Variants in HS6ST2 observed in about 807,000 individuals in gnomAD.
The protein encoded by HS6ST2 is heparan sulfate 6-O-sulfotransferase 2.
A neutral mutation model predicts 33.0 loss-of-function variants in HS6ST2; 17 were observed. The observed-to-expected ratio is 0.52, with a 90% confidence interval of 0.35 to 0.77. The LOEUF (loss-of-function observed/expected upper bound fraction) is 0.77, where lower values mean the gene tolerates loss of function less well. Ranked by LOEUF, HS6ST2 falls within the 30% of genes least tolerant of loss-of-function variation. The pLI is 0.01. For synonymous variants in HS6ST2, 248 were observed against 237.1 expected (o/e 1.05, Z -0.42); for missense variants, 519 against 551.7 (o/e 0.94, Z 0.59).
chrX:132,923,125 C>A (rs1417904096), intron 2 of HS6ST2, among the ~76,000 whole-genome samples: 1 of 108,713 alleles, frequency 9.2e-6, no homozygotes, highest in African/African-American at 3.4e-5. Context: ...AAATAAAGGC[C>A]TAGGATCAAT....
At chrX:132,908,518 T>A (rs2066497478) in intron 2 of HS6ST2, among the ~76,000 whole-genome samples, 1 of 112,629 alleles carries the variant, frequency 8.9e-6, no homozygotes, top group Admixed American at 9.4e-5. Flanking sequence ...AACCAATGAA[T>A]GAATAAATAA....
chrX:132,926,838 A>T (rs2066715192), intron 2 of HS6ST2, among the ~76,000 whole-genome samples: 1 of 111,683 alleles, frequency 9.0e-6, no homozygotes, highest in African/African-American at 3.3e-5. Context: ...CAGGAGAATC[A>T]CTTGAACCCA....
intron 2 of HS6ST2, among the ~76,000 whole-genome samples, chrX:132,943,390 T>G (rs1376762361): frequency 8.9e-6 from 1 of 111,742 alleles, no homozygotes; most frequent in East Asian, 2.8e-4. Context: ...TTCTGTTTTC[T>G]CATCTTTAAA....
intron 2 of HS6ST2, among the ~76,000 whole-genome samples, chrX:132,919,188 C>T (rs1434069001): frequency 8.9e-6 from 1 of 112,168 alleles, no homozygotes; most frequent in Non-Finnish European, 1.9e-5. Flanking sequence ...CCAACTGTCA[C>T]TATGAAAAGA....
At chrX:132,736,574 C>T (rs1269530232) in intron 2 of HS6ST2, among the ~76,000 whole-genome samples, 1 of 111,632 alleles carries the variant, frequency 9.0e-6, no homozygotes, top group Non-Finnish European at 1.9e-5. Flanking sequence ...CGCAGAGTGA[C>T]TCCAGTAGGG....
At chrX:132,945,210 T>C (rs1354732527) in intron 2 of HS6ST2, among the ~76,000 whole-genome samples, 3 of 112,205 alleles carry the variant, frequency 2.7e-5, no homozygotes, top group Admixed American at 9.4e-5. Context: ...GAACAGGCAC[T>C]TCTTAAAAGA....
At chrX:132,725,445 T>TA (rs1188702959) in intron 2 of HS6ST2, among the ~76,000 whole-genome samples, 2 of 111,295 alleles carry the variant, frequency 1.8e-5, no homozygotes, top group African/African-American at 6.5e-5. Context: ...ATCAGAGAAA[T>TA]AAAAACTACA....
chrX:132,646,253 A>G (rs953709150), intron 4 of HS6ST2, among the ~76,000 whole-genome samples: 3 of 111,740 alleles, frequency 2.7e-5, no homozygotes, highest in African/African-American at 9.8e-5. Flanking sequence ...TGTAAAGTTT[A>G]TTCCTTTGGT....
chrX:132,958,050 C>G (rs769912460), intron 1 of HS6ST2, 125 bp downstream of exon 1: 5 of 685,884 alleles, frequency 7.3e-6, no homozygotes, highest in Non-Finnish European at 2.0e-6. Context: ...AGACCCTAGC[C>G]GGGCCACCAA....
At chrX:132,805,588 C>A (rs1367591082) in intron 2 of HS6ST2, among the ~76,000 whole-genome samples, 1 of 109,278 alleles carries the variant, frequency 9.2e-6, no homozygotes, top group Non-Finnish European at 1.9e-5. Context: ...AATGTCCCCC[C>A]TCTCCCAGCC....
intron 2 of HS6ST2, among the ~76,000 whole-genome samples, chrX:132,927,772 G>A (rs956577181): frequency 9.2e-6 from 1 of 108,660 alleles, no homozygotes; most frequent in African/African-American, 3.4e-5. Context: ...GGGGAGGATC[G>A]CTTGTGCCTG....
Position 132,669,155 on chromosome X carries a change from G to A in HS6ST2, c.1025C>T (p.Ser342Phe). 8.3e-7 allele frequency: 1 copy of A among 1,209,395 alleles called. No homozygotes were observed. The highest frequency in any genetic ancestry group is 1.8e-5 in the South Asian group (1 of 56,692). The change falls in exon 4 of 5, where the codon TCT becomes TTT. Residue 342 changes from serine (S) to phenylalanine (F), a missense_variant. Ser to Phe is a radical substitution (Grantham distance 155). Coordinates refer to ENST00000370833, the MANE Select transcript of HS6ST2 (RefSeq NM_001394073.1). Reference protein sequence around the residue: ...GSPNTNAGANSPSSTKTRNTS... With the variant: ...GSPNTNAGANFPSSTKTRNTS... Reference sequence around the variant, plus strand: ...GTTCCGGGTCTTTGTGGATGACGGAGAGTTGGCGCCTGCGTTAGTGTTTGG... The same window carrying A: ...GTTCCGGGTCTTTGTGGATGACGGAAAGTTGGCGCCTGCGTTAGTGTTTGG...
At chrX:132,742,893 A>G (rs1478275179) in intron 2 of HS6ST2, among the ~76,000 whole-genome samples, 2 of 112,113 alleles carry the variant, frequency 1.8e-5, no homozygotes, top group Non-Finnish European at 3.8e-5. Flanking sequence ...CCATGGTAAC[A>G]TTTCAGGTAA....
chrX:132,646,236 T>C (rs1032335813), intron 4 of HS6ST2, among the ~76,000 whole-genome samples: 1 of 111,720 alleles, frequency 9.0e-6, no homozygotes, highest in Non-Finnish European at 1.9e-5. Flanking sequence ...TGGCCAGCAA[T>C]CCACAATGTA....
intron 4 of HS6ST2, among the ~76,000 whole-genome samples, chrX:132,663,892 G>A (rs1026111751): frequency 2.7e-5 from 3 of 112,506 alleles, no homozygotes; most frequent in African/African-American, 9.7e-5. Flanking sequence ...ACATAATCAC[G>A]ATATAATATG....
At chrX:132,647,289 C>G (rs964571923) in intron 4 of HS6ST2, among the ~76,000 whole-genome samples, 9 of 110,842 alleles carry the variant, frequency 8.1e-5, no homozygotes, top group Non-Finnish European at 1.7e-4. Flanking sequence ...TGTCCTGACG[C>G]CATAACTCCC....
chrX:132,808,216 C>T (rs1162912444), intron 2 of HS6ST2, among the ~76,000 whole-genome samples: 1 of 111,744 alleles, frequency 8.9e-6, no homozygotes, highest in Non-Finnish European at 1.9e-5. Context: ...AAACCCCCAA[C>T]TACTCCCCAA....
intron 3 of HS6ST2, among the ~76,000 whole-genome samples, chrX:132,683,143 AAAC>A (rs1336904510): frequency 6.3e-5 from 7 of 110,561 alleles, no homozygotes; most frequent in African/African-American, 2.3e-4. Context: ...CAATCGAGGT[AAAC>A]AATTAAAAAT....
At chrX:132,679,502 T>C (rs1161414071) in intron 3 of HS6ST2, among the ~76,000 whole-genome samples, 3 of 111,241 alleles carry the variant, frequency 2.7e-5, no homozygotes, top group Admixed American at 9.5e-5. Context: ...GGTAATAGAA[T>C]ATCACAAGAC....
Sources: gnomAD v4.1 joint callset for allele counts (sites outside exome capture counted in the v4.1 genomes callset) on GRCh38, gnomAD v4.1.1 for gene constraint, MANE v1.5 for transcripts, NCBI Gene and HGNC (gene_info 2026-07-23, HGNC 2026-07-21) for gene names.